The following MCHR1 variants were observed in gnomAD, a reference collection of about 807,000 sequenced individuals.
MCHR1 encodes the protein melanin-concentrating hormone receptor 1.
In MCHR1, 13 loss-of-function variants were observed where a neutral mutation model predicts 20.4. That is an observed-to-expected ratio of 0.64 (90% confidence interval 0.41 to 1.01). MCHR1 has a LOEUF of 1.01. MCHR1 is among the 50% of genes least tolerant of loss of function. The pLI, the probability that MCHR1 is intolerant of heterozygous loss-of-function variation, is 0.00. For synonymous variants in MCHR1, 215 were observed against 204.4 expected (o/e 1.05, Z -0.44); for missense variants, 472 against 477.0 (o/e 0.99, Z 0.10).
At chr22:40,680,656 G>A in intron 1 of MCHR1, 1 of 533,594 alleles carries the variant, frequency 1.9e-6, no homozygotes, top group African/African-American at 2.0e-5. Flanking sequence ...TGAAGCCCGG[G>A]GCTCACAGAG....
chr22:40,679,890 G>T (rs935780380), intron 1 of MCHR1, among the ~76,000 whole-genome samples, 156 bp downstream of exon 1: 27 of 152,126 alleles, frequency 1.8e-4, no homozygotes, highest in African/African-American at 6.0e-4. Flanking sequence ...AGGGGGCAAT[G>T]GTCCGCAGGG....
chr22:40,681,898 C>T lies in MCHR1; in HGVS notation c.1032C>T (p.Asp344=), dbSNP rs142918863. The T allele has an allele frequency of 9.8e-5, 158 of 1,611,200 alleles. No individual in the cohort carries two copies. The East Asian group carries it at 1.1e-3, about 11-fold the overall frequency. ...LRAVSNAQTA[D]EERTESKGT is the part of the protein sequence containing the mutation. ...CTGTCAGCAACGCTCAGACGGCTGA[C>T]GAGGAGAGGACAGAAAGCAAAGGCA... The change falls in exon 2 of 2, where the codon GAC becomes GAT. Residue 344 remains aspartate, a synonymous_variant. Transcript: ENST00000249016. The surrounding 1 kb of genome is among the most constrained non-coding windows in gnomAD (Gnocchi z 4.3).
In MCHR1 at chr22:40,681,040, C is replaced by T. The variant is rs771978984; in HGVS notation, c.174C>T (p.Asn58=). ...GTICLLGIIG[N]STVIFAVVKK... The stretch of plus-strand genomic sequence containing the variant: ...TCTGCCTCCTGGGCATCATCGGGAA[C>T]TCCACGGTCATCTTCGCGGTCGTGA... The change falls in exon 2 of 2, where the codon AAC becomes AAT. Residue 58 remains asparagine, a synonymous_variant. Transcript: ENST00000249016. The surrounding 1 kb of genome is among the most constrained non-coding windows in gnomAD (Gnocchi z 4.3). 6 of 1,614,188 alleles carry T rather than the reference C, an allele frequency of 3.7e-6. No homozygotes were observed. In the South Asian group the frequency reaches 6.6e-5, roughly 18 times the overall value.
chr22:40,680,928 G>T (rs752035154), intron 1 of MCHR1, 21 bp from the exon 2 acceptor site: 4 of 1,613,114 alleles, frequency 2.5e-6, no homozygotes, highest in South Asian at 2.2e-5. Flanking sequence ...AACAGCCAAC[G>T]CTTGCTCCTT....
rs529619904 is a variant in MCHR1, at chr22:40,679,515, G to A, written c.-138G>A. On this transcript the variant is annotated 5_prime_UTR_variant, in exon 1 of 2. Coordinates refer to ENST00000249016, the MANE Select transcript of MCHR1 (RefSeq NM_005297.4). Reference sequence around the variant, plus strand: ...GCTTGGAGGCGGCAGCGGCTGCCAGGCTACGGAGGAAGACCCCCTTCCCAA... The same window carrying A: ...GCTTGGAGGCGGCAGCGGCTGCCAGACTACGGAGGAAGACCCCCTTCCCAA... 1.9e-6 allele frequency: 3 copies of A among 1,614,022 alleles called. No homozygotes were observed. The highest frequency in any genetic ancestry group is 1.1e-5 in the South Asian group (1 of 91,076).
In MCHR1 at chr22:40,681,457, C is replaced by A; in HGVS notation, c.591C>A (p.Arg197=). 1 of 1,613,340 alleles carries A rather than the reference C, an allele frequency of 6.2e-7. No homozygotes were observed. Among genetic ancestry groups the A allele is most frequent in the Non-Finnish European group, 8.5e-7 (1 of 1,180,036 alleles). Residue 197 remains arginine (R), a synonymous_variant, in exon 2 of 2, where the codon CGC becomes CGA. Coordinates refer to ENST00000249016, the MANE Select transcript of MCHR1 (RefSeq NM_005297.4). The surrounding 1 kb of genome is among the most constrained non-coding windows in gnomAD (Gnocchi z 4.3). ...FPGGAVGCGI[R]LPNPDTDLYW... ...GAGGTGCAGTGGGCTGCGGCATACG[C>A]CTGCCCAACCCAGACACTGACCTCT...
rs1454983728 is a variant in MCHR1, at chr22:40,680,996, C to G, written c.130C>G (p.Pro44Ala). 5.6e-6 allele frequency: 9 copies of G among 1,614,158 alleles called. No homozygotes were observed. The highest frequency in any genetic ancestry group is 1.1e-5 in the South Asian group (1 of 91,080). Reference protein sequence around the residue: ...GSISYINIIMPSVFGTICLLG... With the variant: ...GSISYINIIMASVFGTICLLG... ...CATCTCCTACATCAACATCATCATG[C>G]CTTCGGTGTTCGGCACCATCTGCCT... The change falls in exon 2 of 2, where the codon CCT becomes GCT. Residue 44 changes from proline to alanine, a missense_variant. Transcript: ENST00000249016.
In MCHR1 at chr22:40,680,654, G is replaced by A. The variant is rs946889495; in HGVS notation, c.83-295G>A. The A allele has an allele frequency of 2.9e-5, 15 of 521,294 alleles. 1 individual carries two copies. The Admixed American group carries it at 6.4e-4, about 22-fold the overall frequency. The allele number at this position is 521,294 out of a possible 1,614,324, so 32.3% of individuals were successfully genotyped here. A position where few individuals can be genotyped will look rare whatever the true frequency, so the allele number is the denominator to read the frequency against. On this transcript the variant is annotated intron_variant, in intron 1 of 1. Transcript: ENST00000249016. ...CTGACGAGTTTTCCTGGTGAAGCCCGGGGCTCACAGAGTAATCTCTGCAGA... is the reference window on the plus strand; with the variant it reads ...CTGACGAGTTTTCCTGGTGAAGCCCAGGGCTCACAGAGTAATCTCTGCAGA...
At position 40,682,153 on chromosome 22, in the gene MCHR1, A is replaced by G. The variant is rs1293845593; in HGVS notation, c.*225A>G. ...TCAGAAATCCCCTTGGGGGAGCAGG[A>G]TGAGACCTTTGGATAGAACAGAAGC... On this transcript the variant is annotated 3_prime_UTR_variant, in exon 2 of 2. Coordinates refer to ENST00000249016, the MANE Select transcript of MCHR1 (RefSeq NM_005297.4). 2 of 604,148 alleles carry G rather than the reference A, an allele frequency of 3.3e-6. No homozygotes were observed. The highest frequency in any genetic ancestry group is 5.9e-6 in the Non-Finnish European group (2 of 341,272). 37.4% of individuals were successfully genotyped at this position (604,148 alleles called of 1,614,324 possible).
At chr22:40,679,910 C>A (rs1182986144) in intron 1 of MCHR1, among the ~76,000 whole-genome samples, 176 bp downstream of exon 1, 1 of 151,840 alleles carries the variant, frequency 6.6e-6, no homozygotes, top group East Asian at 1.9e-4. Flanking sequence ...GGCAGACGGG[C>A]AGGAGCAGAG....
In MCHR1 at chr22:40,681,472, C is replaced by G; in HGVS notation, c.606C>G (p.Asp202Glu). The G allele has an allele frequency of 6.2e-7, 1 of 1,613,084 alleles. No individual in the cohort carries two copies. The highest frequency in any genetic ancestry group is 1.3e-5 in the African/African-American group (1 of 75,070). Reference protein sequence around the residue: ...VGCGIRLPNPDTDLYWFTLYQ... With the variant: ...VGCGIRLPNPETDLYWFTLYQ... ...GCGGCATACGCCTGCCCAACCCAGACACTGACCTCTACTGGTTCACCCTGT... is the reference window on the plus strand; with the variant it reads ...GCGGCATACGCCTGCCCAACCCAGAGACTGACCTCTACTGGTTCACCCTGT... Residue 202 changes from aspartate to glutamate, a missense_variant, in exon 2 of 2, where the codon GAC becomes GAG. Asp to Glu is a conservative substitution (Grantham distance 45). Coordinates refer to ENST00000249016, the MANE Select transcript of MCHR1 (RefSeq NM_005297.4). This position sits in a 1 kb window ranked among gnomAD's most constrained non-coding sequence, Gnocchi z 4.3.
In MCHR1 at chr22:40,681,632, C is replaced by A. The variant is rs763548925; in HGVS notation, c.766C>A (p.Arg256Ser). Residue 256 changes from arginine to serine, a missense_variant, in exon 2 of 2, where the codon CGC becomes AGC. By Grantham distance (110) the Arg-to-Ser change is moderately radical. Transcript: ENST00000249016. This position sits in a 1 kb window ranked among gnomAD's most constrained non-coding sequence, Gnocchi z 4.3. ...SIRLRTKRVT[R>S]TAIAICLVFF... The stretch of plus-strand genomic sequence containing the variant: ...CCGGCTGCGGACAAAGAGGGTGACC[C>A]GCACAGCCATCGCCATCTGTCTGGT... 1 of 1,614,118 alleles carries A rather than the reference C, an allele frequency of 6.2e-7. No individual in the cohort carries two copies. Among genetic ancestry groups the A allele is most frequent in the Admixed American group, 1.7e-5 (1 of 60,010 alleles).
intron 1 of MCHR1, 195 bp from the exon 2 acceptor site, chr22:40,680,754 A>C (rs2056874925): frequency 4.1e-6 from 4 of 985,272 alleles, no homozygotes; most frequent in African/African-American, 1.7e-5. Context: ...GGCTCAGGGC[A>C]CTCTGGTAGG....
chr22:40,681,677 C>A lies in MCHR1; in HGVS notation c.811C>A (p.Pro271Thr). 1 of 1,614,266 alleles carries A rather than the reference C, an allele frequency of 6.2e-7. No individual in the cohort carries two copies. ...ICLVFFVCWA[P>T]YYVLQLTQLS... The stretch of plus-strand genomic sequence containing the variant: ...TCTGGTCTTCTTTGTGTGCTGGGCA[C>A]CCTACTATGTGCTACAGCTGACCCA... Residue 271 changes from proline (P) to threonine (T), a missense_variant, in exon 2 of 2, where the codon CCC becomes ACC. Coordinates refer to ENST00000249016, the MANE Select transcript of MCHR1 (RefSeq NM_005297.4). This position sits in a 1 kb window ranked among gnomAD's most constrained non-coding sequence, Gnocchi z 4.3.
chr22:40,681,606 T>C lies in MCHR1; in HGVS notation c.740T>C (p.Ile247Thr). Residue 247 changes from isoleucine (I) to threonine (T), a missense_variant, in exon 2 of 2, where the codon ATC (isoleucine) becomes ACC (threonine). Ile to Thr is a moderately conservative substitution (Grantham distance 89, BLOSUM62 -1). Transcript: ENST00000249016. This position sits in a 1 kb window ranked among gnomAD's most constrained non-coding sequence, Gnocchi z 4.3. ...SSVAPASQRS[I>T]RLRTKRVTRT... ...GTGGCCCCCGCCTCCCAGCGCAGCA[T>C]CCGGCTGCGGACAAAGAGGGTGACC... 6.2e-7 allele frequency: 1 copy of C among 1,614,152 alleles called. No homozygotes were observed. The highest frequency in any genetic ancestry group is 8.5e-7 in the Non-Finnish European group (1 of 1,180,038).
intron 1 of MCHR1, 148 bp from the exon 2 acceptor site, chr22:40,680,801 A>C: frequency 6.4e-7 from 1 of 1,568,392 alleles, no homozygotes; most frequent in East Asian, 2.3e-5. Context: ...GAAAAGGGAC[A>C]AGATTAGCAA....
chr22:40,682,387 A>G lies in MCHR1; in HGVS notation c.*459A>G, dbSNP rs199567703. ...CTCTTTCCCGCCTCTCACTGGTGCG[A>G]TGGAAGGTGGCCTTTCTCCCAAGCT... On this transcript the variant is annotated 3_prime_UTR_variant, in exon 2 of 2. Transcript: ENST00000249016. 49 of 184,418 alleles carry G rather than the reference A, an allele frequency of 2.7e-4. No homozygotes were observed. The highest frequency in any genetic ancestry group is 1.0e-3 in the African/African-American group (43 of 42,854). The allele number at this position is 184,418 out of a possible 1,614,324, so 11.4% of individuals were successfully genotyped here.
rs1395222007 is a variant in MCHR1 at position 40,680,972 on chromosome 22, A to C, written c.106A>C (p.Ile36Leu). 2 of 1,614,012 alleles carry C rather than the reference A, an allele frequency of 1.2e-6. No individual in the cohort carries two copies. Among genetic ancestry groups the C allele is most frequent in the Non-Finnish European group, 1.7e-6 (2 of 1,180,040 alleles). Residue 36 changes from isoleucine to leucine, a missense_variant, in exon 2 of 2, where the codon ATC (isoleucine) becomes CTC (leucine). Ile to Leu is a conservative substitution (Grantham distance 5, BLOSUM62 2). Transcript: ENST00000249016. ...SAGSPPRTGS[I>L]SYINIIMPSV... ...AGGATCACCTCCTCGCACGGGGAGC[A>C]TCTCCTACATCAACATCATCATGCC...
chr22:40,681,857 C>T lies in MCHR1; in HGVS notation c.991C>T (p.Gln331Ter). Residue 331 changes from glutamine to a stop codon, truncating the protein, a stop_gained, in exon 2 of 2, where the codon CAG becomes TAG. Transcript: ENST00000249016. LOFTEE classifies it high-confidence loss of function. The surrounding 1 kb of genome is among the most constrained non-coding windows in gnomAD (Gnocchi z 4.3). ...GGTCCTGTCGGTGAAGCCTGCAGCC[C>T]AGGGGCAGCTTCGCGCTGTCAGCAA... ...RLVLSVKPAA[Q>*]GQLRAVSNAQ... is the part of the protein sequence containing the mutation. The T allele has an allele frequency of 3.7e-6, 6 of 1,613,958 alleles. No homozygotes were observed. Among genetic ancestry groups the T allele is most frequent in the Non-Finnish European group, 5.1e-6 (6 of 1,180,046 alleles).
Sources: gnomAD v4.1 joint callset for allele counts (sites outside exome capture counted in the v4.1 genomes callset) on GRCh38, gnomAD v4.1.1 for gene constraint, Gnocchi (gnomAD v3.1) non-coding constraint, MANE v1.5 for transcripts, NCBI Gene and HGNC (gene_info 2026-07-23, HGNC 2026-07-21) for gene names.